SMYD3: variants seen among roughly 807,000 people sequenced by gnomAD.
The protein encoded by SMYD3 is histone-lysine N-methyltransferase SMYD3.
SMYD3 carries 36 observed loss-of-function variants against 57.7 expected under a neutral mutation model. The ratio of observed to expected loss-of-function variants is 0.62; its 90% CI spans 0.48 to 0.82. The LOEUF (loss-of-function observed/expected upper bound fraction) is 0.82, where lower values mean the gene tolerates loss of function less well. Among genes scored for constraint, SMYD3 ranks in the 40% least tolerant of loss-of-function variants. The pLI is 0.00. For synonymous variants in SMYD3, 211 were observed against 195.0 expected (o/e 1.08, Z -0.68); for missense variants, 515 against 538.8 (o/e 0.96, Z 0.44).
intron 5 of SMYD3, 77 bp downstream of exon 5, chr1:246,327,124 C>A: frequency 6.3e-7 from 1 of 1,581,844 alleles, no homozygotes; most frequent in Non-Finnish European, 8.7e-7. Context: ...AGATTCTCGA[C>A]ATTTTTGTAA....
At chr1:245,821,852 A>G (rs1340654858) in intron 10 of SMYD3, among the ~76,000 whole-genome samples, 1 of 150,796 alleles carries the variant, frequency 6.6e-6, no homozygotes, top group Admixed American at 6.6e-5. Context: ...ATGAGATACC[A>G]TCTCACACCA....
At chr1:246,488,735 G>A (rs2068225749) in intron 1 of SMYD3, among the ~76,000 whole-genome samples, 1 of 152,138 alleles carries the variant, frequency 6.6e-6, no homozygotes, top group Non-Finnish European at 1.5e-5. Context: ...ATTTACAACT[G>A]CTGCAAATAT....
chr1:246,496,247 G>A (rs1220419570), intron 1 of SMYD3, among the ~76,000 whole-genome samples: 1 of 151,768 alleles, frequency 6.6e-6, no homozygotes, highest in Non-Finnish European at 1.5e-5. Flanking sequence ...TGTTGGCCAG[G>A]ATGGTCTCTA....
chr1:246,464,491 T>C (rs2067853496), intron 1 of SMYD3, among the ~76,000 whole-genome samples: 1 of 152,164 alleles, frequency 6.6e-6, no homozygotes, highest in South Asian at 2.1e-4. Context: ...CACTCCAGCC[T>C]GGGTGACAGA....
chr1:246,074,886 T>TGCCAATATAATAGCATGC (rs1350545871), intron 5 of SMYD3, among the ~76,000 whole-genome samples: 1 of 151,090 alleles, frequency 6.6e-6, no homozygotes, highest in Non-Finnish European at 1.5e-5. Context: ...AGCACACATC[T>TGCCAATATAATAGCATGC]GCCAATATAA....
intron 1 of SMYD3, among the ~76,000 whole-genome samples, chr1:246,419,086 T>C (rs985489343): frequency 5.0e-4 from 76 of 152,302 alleles, no homozygotes; most frequent in African/African-American, 1.8e-3. Flanking sequence ...ATATCCTTTG[T>C]AATATCCTCC....
At chr1:245,868,469 C>T (rs1158835474) in intron 8 of SMYD3, among the ~76,000 whole-genome samples, 3 of 152,126 alleles carry the variant, frequency 2.0e-5, no homozygotes, top group Non-Finnish European at 4.4e-5. Flanking sequence ...GAACCCACAG[C>T]AGATCTCGTA....
chr1:246,455,882 A>G (rs978727143), intron 1 of SMYD3, among the ~76,000 whole-genome samples: 2 of 152,230 alleles, frequency 1.3e-5, no homozygotes, highest in African/African-American at 4.8e-5. Context: ...TTCTACATCA[A>G]TGATAAAAGA....
At chr1:245,826,362 G>A (rs1572450540) in intron 10 of SMYD3, among the ~76,000 whole-genome samples, 1 of 152,024 alleles carries the variant, frequency 6.6e-6, no homozygotes, top group East Asian at 1.9e-4. Context: ...CATGTGACAG[G>A]ATTTCCTTGT....
chr1:246,046,473 C>G (rs929231885), intron 5 of SMYD3, among the ~76,000 whole-genome samples: 6 of 151,726 alleles, frequency 4.0e-5, no homozygotes, highest in African/African-American at 1.2e-4. Context: ...CGGGGCCTGT[C>G]ATGGGGCGGT....
intron 5 of SMYD3, among the ~76,000 whole-genome samples, chr1:246,261,225 A>AT (rs2064005202): frequency 1.3e-5 from 2 of 151,794 alleles, no homozygotes; most frequent in South Asian, 4.2e-4. Context: ...CGCCTGGCTA[A>AT]TTTTTTGTAT....
At chr1:246,279,938 T>C (rs2064410056) in intron 5 of SMYD3, among the ~76,000 whole-genome samples, 1 of 152,334 alleles carries the variant, frequency 6.6e-6, no homozygotes, top group South Asian at 2.1e-4. Context: ...AAAACAATTT[T>C]ATCTGCTAAG....
chr1:246,438,895 C>T (rs1267359830), intron 1 of SMYD3, among the ~76,000 whole-genome samples: 1 of 151,686 alleles, frequency 6.6e-6, no homozygotes, highest in Admixed American at 6.6e-5. Flanking sequence ...GAATCTAATG[C>T]CGCTGCTGAT....
rs2048877368 is a variant in SMYD3, at chr1:245,817,215, GCCT to G, written c.1076+41278_1076+41280del. On this transcript the variant is annotated intron_variant, in intron 10 of 11. Transcript: ENST00000490107. ...CTGGAGATCTGAGAACGGGCAGACT[GCCT>G]CCTCAAGTGGGTCCCTGACCCCTGA... Among the ~76,000 whole-genome samples the G allele has an allele frequency of 2.0e-5, 3 of 146,386 alleles. No individual in the cohort carries two copies. The Admixed American group carries it at 2.1e-4, about 10-fold the overall frequency.
At chr1:246,328,429 T>C (rs1267211027) in intron 4 of SMYD3, among the ~76,000 whole-genome samples, 6 of 152,198 alleles carry the variant, frequency 3.9e-5, no homozygotes, top group Admixed American at 3.9e-4. Flanking sequence ...GTAGGGCTAA[T>C]GTGAAGAGTA....
At chr1:246,064,636 T>C (rs551452661) in intron 5 of SMYD3, among the ~76,000 whole-genome samples, 1 of 152,348 alleles carries the variant, frequency 6.6e-6, no homozygotes, top group Non-Finnish European at 1.5e-5. Context: ...TGTGTGTCCT[T>C]AAAGGTGGGA....
intron 1 of SMYD3, among the ~76,000 whole-genome samples, chr1:246,399,173 C>T (rs1030889720): frequency 2.6e-5 from 4 of 151,808 alleles, no homozygotes; most frequent in Admixed American, 6.6e-5. Flanking sequence ...AGGCATGTGC[C>T]ACCACGCCCA....
chr1:246,490,326 T>C (rs2068250350), intron 1 of SMYD3, among the ~76,000 whole-genome samples: 1 of 152,140 alleles, frequency 6.6e-6, no homozygotes, highest in Admixed American at 6.5e-5. Flanking sequence ...GGAGTCAGTT[T>C]CAAAAAATAC....
At chr1:246,279,342 G>A (rs538625728) in intron 5 of SMYD3, among the ~76,000 whole-genome samples, 33 of 152,168 alleles carry the variant, frequency 2.2e-4, no homozygotes, top group East Asian at 7.7e-4. Flanking sequence ...CCAACATGGC[G>A]AAACCCCATC....
Sources: gnomAD v4.1 joint callset for allele counts (sites outside exome capture counted in the v4.1 genomes callset) on GRCh38, gnomAD v4.1.1 for gene constraint, MANE v1.5 for transcripts, NCBI Gene and HGNC (gene_info 2026-07-23, HGNC 2026-07-21) for gene names.